The following PCDH19 variants were observed in gnomAD, a reference collection of about 807,000 sequenced individuals.
PCDH19 encodes protocadherin-19.
In PCDH19, 6 loss-of-function variants were observed where a neutral mutation model predicts 46.2. The ratio of observed to expected loss-of-function variants is 0.13; its 90% CI spans 0.07 to 0.26. PCDH19 has a LOEUF of 0.26. PCDH19 is among the 10% of genes least tolerant of loss of function. The pLI, the probability that PCDH19 is intolerant of heterozygous loss-of-function variation, is 1.00. For synonymous variants in PCDH19, 481 were observed against 415.7 expected, an observed-to-expected ratio of 1.16 and a Z score of -1.91; for missense variants, 740 against 972.3, an observed-to-expected ratio of 0.76 and a Z score of 3.18.
At chrX:100,337,961 A>C in intron 5 of PCDH19, among the ~76,000 whole-genome samples, 1 of 111,873 alleles carries the variant, frequency 8.9e-6, no homozygotes, top group Admixed American at 9.5e-5. Context: ...ATAAAAAATA[A>C]ATTTAGACAT....
At chrX:100,403,490 A>G in intron 2 of PCDH19, 34 bp downstream of exon 2, 1 of 1,197,239 alleles carries the variant, frequency 8.4e-7, no homozygotes, top group Non-Finnish European at 1.1e-6. Context: ...TCTAATAGCC[A>G]AACCCATTTA....
At chrX:100,322,399 G>A (rs1283997208) in intron 5 of PCDH19, among the ~76,000 whole-genome samples, 1 of 110,930 alleles carries the variant, frequency 9.0e-6, no homozygotes, top group Non-Finnish European at 1.9e-5. Flanking sequence ...GTTTATTTCT[G>A]GGTTCTCTAT....
chrX:100,329,421 TACAA>T lies in PCDH19; in HGVS notation c.2848+12478_2848+12481del, dbSNP rs1298217589. ...AGATAGTCACTAAACTTCTAAAACA[TACAA>T]ACAGTGTGATGAGCATTGAGTCAAG... On this transcript the variant is annotated intron_variant, in intron 5 of 5. Transcript: ENST00000373034. Among the ~76,000 whole-genome samples, 7 of 111,940 alleles carry T rather than the reference TACAA, an allele frequency of 6.3e-5. No homozygotes were observed. The East Asian group carries it at 2.0e-3, about 32-fold the overall frequency.
chrX:100,358,319 G>A (rs1040998070), intron 3 of PCDH19, among the ~76,000 whole-genome samples: 10 of 111,927 alleles, frequency 8.9e-5, no homozygotes, highest in Non-Finnish European at 1.3e-4. Context: ...GCATCCCAGT[G>A]ACTGTCAGGA....
At chrX:100,327,143 T>A (rs750187319) in intron 5 of PCDH19, among the ~76,000 whole-genome samples, 2 of 111,817 alleles carry the variant, frequency 1.8e-5, no homozygotes, top group East Asian at 5.6e-4. Flanking sequence ...CTTTGAGTGG[T>A]AGGGTACCTG....
intron 5 of PCDH19, among the ~76,000 whole-genome samples, chrX:100,317,214 C>G (rs1057170824): frequency 5.4e-5 from 6 of 111,671 alleles, no homozygotes; most frequent in Non-Finnish European, 1.1e-4. Context: ...GTGTGCCACT[C>G]CTAAATTGAA....
Position 100,368,935 on chromosome X carries a change from T to C in PCDH19, c.2617-18231A>G, listed in dbSNP as rs768343171. Among the ~76,000 whole-genome samples, 5 of 111,722 alleles carry C rather than the reference T, an allele frequency of 4.5e-5. No individual in the cohort carries two copies. In the South Asian group the frequency reaches 1.9e-3, roughly 42 times the overall value. ...TTTGGAAAAGTAAATCAATAAGGCA[T>C]GAGAAGATAGAGAATTAATAAATAA... On this transcript the variant is annotated intron_variant, in intron 3 of 5. Transcript: ENST00000373034.
chrX:100,373,583 C>T (rs1446930290), intron 3 of PCDH19, among the ~76,000 whole-genome samples: 1 of 112,156 alleles, frequency 8.9e-6, no homozygotes, highest in Non-Finnish European at 1.9e-5. Context: ...CAGAGCTAGC[C>T]TATTTTCCTT....
chrX:100,339,619 T>C (rs1184582649), intron 5 of PCDH19, among the ~76,000 whole-genome samples: 2 of 112,345 alleles, frequency 1.8e-5, no homozygotes, highest in Admixed American at 1.9e-4. Flanking sequence ...CCAAGTGAAC[T>C]GGTGATGGAA....
chrX:100,342,064 A>G lies in PCDH19; in HGVS notation c.2687T>C (p.Phe896Ser), dbSNP rs796052823. The part of the protein sequence containing the change: ...RAHLIKSSST[F>S]KDLEGNSLKD... ...CAGGCTGTTGCCCTCTAAGTCCTTGAAGGTGGAGCTGCTGGGTTGAAGACA... is the reference window on the plus strand; with the variant it reads ...CAGGCTGTTGCCCTCTAAGTCCTTGGAGGTGGAGCTGCTGGGTTGAAGACA... The change falls in exon 5 of 6, where the codon TTC becomes TCC. Residue 896 changes from phenylalanine to serine, a missense_variant. By Grantham distance (155) the Phe-to-Ser change is radical. This residue lies in a region of PCDH19 where 416 missense variants were observed against 476.8 expected (regional missense o/e 0.87). Coordinates refer to ENST00000373034, the MANE Select transcript of PCDH19 (RefSeq NM_001184880.2). 3 of 1,208,699 alleles carry G rather than the reference A, an allele frequency of 2.5e-6. No individual in the cohort carries two copies. In the Admixed American group the frequency reaches 6.5e-5, roughly 26 times the overall value.
At chrX:100,360,279 C>T (rs1369784237) in intron 3 of PCDH19, among the ~76,000 whole-genome samples, 2 of 111,943 alleles carry the variant, frequency 1.8e-5, no homozygotes, top group Non-Finnish European at 3.8e-5. Flanking sequence ...TCCCTTGTAC[C>T]AGCTTGTTGC....
chrX:100,328,815 T>A (rs1195241635), intron 5 of PCDH19, among the ~76,000 whole-genome samples: 1 of 112,482 alleles, frequency 8.9e-6, no homozygotes, highest in African/African-American at 3.2e-5. Flanking sequence ...TTTTCCTTCA[T>A]GAGGTTTGAA....
In PCDH19 at chrX:100,295,991, A is replaced by T; in HGVS notation, c.*286T>A. Reference sequence around the variant, plus strand: ...GACATAGAAAAATATATAAATTCAAACACTTAATACATAATACTTTTCACA... The same window carrying T: ...GACATAGAAAAATATATAAATTCAATCACTTAATACATAATACTTTTCACA... On this transcript the variant is annotated 3_prime_UTR_variant, in exon 6 of 6. Coordinates refer to ENST00000373034, the MANE Select transcript of PCDH19 (RefSeq NM_001184880.2). 1 of 285,333 alleles carries T rather than the reference A, an allele frequency of 3.5e-6. No individual in the cohort carries two copies. 23.5% of individuals were successfully genotyped at this position (285,333 alleles called of 1,213,427 possible).
At chrX:100,398,743 G>T in intron 3 of PCDH19, among the ~76,000 whole-genome samples, 1 of 112,058 alleles carries the variant, frequency 8.9e-6, no homozygotes, top group Non-Finnish European at 1.9e-5. Context: ...TTGATCTAAT[G>T]CCATGGTGAT....
intron 3 of PCDH19, among the ~76,000 whole-genome samples, chrX:100,363,800 T>C (rs1440497061): frequency 9.9e-6 from 1 of 100,925 alleles, no homozygotes; most frequent in Non-Finnish European, 2.0e-5. Flanking sequence ...GCTGATTCAA[T>C]AGGAATACAA....
chrX:100,340,538 G>T (rs990371477), intron 5 of PCDH19, among the ~76,000 whole-genome samples: 1 of 111,944 alleles, frequency 8.9e-6, no homozygotes, highest in Non-Finnish European at 1.9e-5. Context: ...CTCTGTTTCA[G>T]TTATATAACT....
At chrX:100,333,181 GAGAGAAAGAAAGAAAGAA>G (rs1925955789) in intron 5 of PCDH19, among the ~76,000 whole-genome samples, 1 of 62,490 alleles carries the variant, frequency 1.6e-5, no homozygotes, top group African/African-American at 6.3e-5. Context: ...AAGGGAGAGA[GAGAGAAAGAAAGAAAGAA>G]AGAAAGAAAG....
chrX:100,393,902 A>C (rs748704884), intron 3 of PCDH19, among the ~76,000 whole-genome samples: 100 of 112,519 alleles, frequency 8.9e-4, no homozygotes, highest in African/African-American at 3.1e-3. Flanking sequence ...GTAGTGGCTC[A>C]TGCCTGTAAT....
chrX:100,335,295 A>G lies in PCDH19; in HGVS notation c.2848+6608T>C, dbSNP rs1256815861. ...GATAAAGTTTCTGGGCATCAGAAAA[A>G]AAGGGGTACTAGGCATTGAGTGCTA... On this transcript the variant is annotated intron_variant, in intron 5 of 5. Coordinates refer to ENST00000373034, the MANE Select transcript of PCDH19 (RefSeq NM_001184880.2). Among the ~76,000 whole-genome samples, 30 of 111,624 alleles carry G rather than the reference A, an allele frequency of 2.7e-4. No individual in the cohort carries two copies. In the Admixed American group the frequency reaches 2.9e-3, roughly 11 times the overall value.
Sources: allele counts gnomAD v4.1 joint callset (sites outside exome capture counted in the v4.1 genomes callset), GRCh38; gene constraint gnomAD v4.1.1; regional missense constraint gnomAD v4.1.1; transcripts MANE v1.5; gene names NCBI Gene and HGNC (gene_info 2026-07-23, HGNC 2026-07-21).